ARHGAP32: variants seen among roughly 807,000 people sequenced by gnomAD.
The protein encoded by ARHGAP32 is Rho GTPase activating protein 32, also known as rho GTPase-activating protein 32.
In ARHGAP32, 51 loss-of-function variants were observed where a neutral mutation model predicts 186.5. That is an observed-to-expected ratio of 0.27 (90% confidence interval 0.22 to 0.35). ARHGAP32 has a LOEUF of 0.35. Ranked by LOEUF, ARHGAP32 falls within the 10% of genes least tolerant of loss-of-function variation. ARHGAP32 has a pLI of 1.00. For missense variants in ARHGAP32, 2,186 were observed against 2,623.5 expected (o/e 0.83, Z 3.64); for synonymous variants, 950 against 964.3 (o/e 0.99, Z 0.27).
At position 128,965,463 on chromosome 11, in the gene ARHGAP32, A is replaced by G. The variant is rs527268013; in HGVS notation, c.*3444T>C. Reference sequence around the variant, plus strand: ...CTCTCATGCAGGTCATGGTTGAAAAATCAGGTTTTGCTATCTCAGAATCTA... The same window carrying G: ...CTCTCATGCAGGTCATGGTTGAAAAGTCAGGTTTTGCTATCTCAGAATCTA... On this transcript the variant is annotated 3_prime_UTR_variant, in exon 23 of 23. Coordinates refer to ENST00000682385, the MANE Select transcript of ARHGAP32 (RefSeq NM_001378024.1). 8.5e-5 allele frequency: 13 copies of G among 152,312 alleles called. No individual in the cohort carries two copies. In the East Asian group the frequency reaches 2.3e-3, roughly 27 times the overall value. 9.4% of individuals were successfully genotyped at this position (152,312 alleles called of 1,614,324 possible).
chr11:129,029,149 A>C (rs983898314), intron 11 of ARHGAP32, among the ~76,000 whole-genome samples: 1 of 152,196 alleles, frequency 6.6e-6, no homozygotes, highest in African/African-American at 2.4e-5. Flanking sequence ...TTTAACCTCA[A>C]TTCAGCCCAT....
chr11:129,279,304 G>A (rs1377312863), exon 1 of ARHGAP32: 1 of 144,794 alleles, frequency 6.9e-6, no homozygotes, highest in Non-Finnish European at 1.5e-5. Context: ...GCCGAGGGCA[G>A]CCGCGGGGGC....
At chr11:129,179,944 T>C (rs1195660882) in intron 1 of ARHGAP32, among the ~76,000 whole-genome samples, 3 of 151,626 alleles carry the variant, frequency 2.0e-5, no homozygotes, top group East Asian at 1.9e-4. Context: ...TAAAGTATAA[T>C]AATAAAAAAA....
In ARHGAP32 at chr11:129,043,373, CT is replaced by C. The variant is rs1162755786; in HGVS notation, c.964-2365del. Among the ~76,000 whole-genome samples, 340 of 83,704 alleles carry C rather than the reference CT, an allele frequency of 4.1e-3. 5 individuals are homozygous for C. Among genetic ancestry groups the C allele is most frequent in the African/African-American group, 0.013 (316 of 23,592 alleles). 54.9% of individuals were successfully genotyped at this position (83,704 alleles called of 152,430 possible). On this transcript the variant is annotated intron_variant, in intron 10 of 22. Transcript: ENST00000682385. Reference sequence around the variant, plus strand: ...ACATTTTCTCTTTCTATGCAAATTTCTTTTTTTCTTTTTTTTTTTTTTTTTT... The same window carrying C: ...ACATTTTCTCTTTCTATGCAAATTTCTTTTTTCTTTTTTTTTTTTTTTTTT...
intron 1 of ARHGAP32, among the ~76,000 whole-genome samples, chr11:129,201,449 C>T (rs1366199768): frequency 2.6e-5 from 4 of 152,018 alleles, no homozygotes; most frequent in Non-Finnish European, 4.4e-5. Flanking sequence ...TAACGGTATA[C>T]CTAACTAGAT....
At chr11:128,986,481 A>C (rs1247690607) in intron 14 of ARHGAP32, 43 bp downstream of exon 14, 3 of 1,604,682 alleles carry the variant, frequency 1.9e-6, no homozygotes, top group South Asian at 1.1e-5. Context: ...AAAGCACAGC[A>C]AAGTTCCACA....
At chr11:129,068,673 T>C (rs1325547300) in intron 6 of ARHGAP32, among the ~76,000 whole-genome samples, 2 of 152,064 alleles carry the variant, frequency 1.3e-5, no homozygotes, top group East Asian at 3.8e-4. Flanking sequence ...TTTTCATTTG[T>C]TATTAAGATT....
chr11:129,028,821 A>ATAAGCAGG (rs763185320), intron 11 of ARHGAP32, among the ~76,000 whole-genome samples: 2 of 152,194 alleles, frequency 1.3e-5, no homozygotes, highest in African/African-American at 2.4e-5. Flanking sequence ...GTCTTGAAAT[A>ATAAGCAGG]TAAGCAGGAT....
intron 11 of ARHGAP32, among the ~76,000 whole-genome samples, chr11:129,016,719 T>C (rs1228227682): frequency 6.6e-6 from 1 of 152,222 alleles, no homozygotes. Context: ...ACATAAATTT[T>C]AGAATCAGCT....
intron 1 of ARHGAP32, among the ~76,000 whole-genome samples, chr11:129,274,691 T>C (rs992961774): frequency 6.6e-6 from 1 of 152,040 alleles, no homozygotes; most frequent in Non-Finnish European, 1.5e-5. Context: ...ATAATTTAAA[T>C]CAAATACTTC....
chr11:129,051,377 A>G lies in ARHGAP32; in HGVS notation c.964-10368T>C, dbSNP rs530870550. 6.6e-5 allele frequency among the ~76,000 whole-genome samples: 10 copies of G among 152,228 alleles called. No individual in the cohort carries two copies. In the South Asian group the frequency reaches 1.2e-3, roughly 19 times the overall value. ...GTATCTCACTGTGGTTTTGATTTGC[A>G]TTTCTCTAATGACCAGTGATGATGA... On this transcript the variant is annotated intron_variant, in intron 10 of 22. Coordinates refer to ENST00000682385, the MANE Select transcript of ARHGAP32 (RefSeq NM_001378024.1).
At chr11:129,045,644 T>C (rs193041847) in intron 10 of ARHGAP32, among the ~76,000 whole-genome samples, 2 of 152,348 alleles carry the variant, frequency 1.3e-5, no homozygotes, top group African/African-American at 2.4e-5. Context: ...AAATGTCAAA[T>C]GGTAAAAAGT....
chr11:129,031,344 C>A lies in ARHGAP32; in HGVS notation c.1045+9584G>T, dbSNP rs188968460. Among the ~76,000 whole-genome samples the A allele has an allele frequency of 2.4e-4, 37 of 152,286 alleles. 1 individual carries two copies. The East Asian group carries it at 7.1e-3, about 29-fold the overall frequency. On this transcript the variant is annotated intron_variant, in intron 11 of 22. Transcript: ENST00000682385. ...AATCTTTGAAATAATAATCTTGCCT[C>A]ACTTTTCAGTTATGGAAATTGAAAA...
rs753540907 is a variant in ARHGAP32, at chr11:128,978,840, T to C, written c.2052A>G (p.Ser684=). The C allele has an allele frequency of 6.2e-6, 10 of 1,612,986 alleles. No homozygotes were observed. The Admixed American group carries it at 1.3e-4, about 22-fold the overall frequency. The change falls in exon 19 of 23, where the codon TCA becomes TCG. Residue 684 remains serine, a synonymous_variant. Coordinates refer to ENST00000682385, the MANE Select transcript of ARHGAP32 (RefSeq NM_001378024.1). The part of the protein sequence containing the change: ...WRSFFNLGKS[S]SVSKRKLQRN... ...GCTGCAGCTTTCGTTTAGAAACAGA[T>C]GATGATTTCCCCAAGTTGAAAAAGG... is the stretch of plus-strand genomic sequence containing the variant.
chr11:129,102,316 A>G (rs1207166114), intron 5 of ARHGAP32, among the ~76,000 whole-genome samples: 1 of 152,190 alleles, frequency 6.6e-6, no homozygotes, highest in Non-Finnish European at 1.5e-5. Flanking sequence ...TAACCAGCTA[A>G]CATCATGATG....
At chr11:129,247,180 T>C (rs1215526717) in intron 1 of ARHGAP32, among the ~76,000 whole-genome samples, 2 of 152,006 alleles carry the variant, frequency 1.3e-5, no homozygotes, top group Non-Finnish European at 2.9e-5. Context: ...TTCTCAGGAG[T>C]AGAAAATTAT....
intron 5 of ARHGAP32, among the ~76,000 whole-genome samples, chr11:129,122,595 T>C (rs149215487): frequency 8.3e-4 from 127 of 152,276 alleles, no homozygotes; most frequent in African/African-American, 2.9e-3. Flanking sequence ...TATTTTAAAC[T>C]GTCAATTTAT....
At chr11:129,163,489 C>G (rs1366294871) in intron 2 of ARHGAP32, among the ~76,000 whole-genome samples, 1 of 152,168 alleles carries the variant, frequency 6.6e-6, no homozygotes, top group East Asian at 1.9e-4. Context: ...TTCCATTCTT[C>G]AGGTTGACGA....
At chr11:129,228,675 G>C (rs558515687) in intron 1 of ARHGAP32, among the ~76,000 whole-genome samples, 4 of 152,202 alleles carry the variant, frequency 2.6e-5, no homozygotes, top group Admixed American at 2.6e-4. Flanking sequence ...CATGGACACA[G>C]GGAGAGAAAC....
Sources: allele counts gnomAD v4.1 joint callset (sites outside exome capture counted in the v4.1 genomes callset), GRCh38; gene constraint gnomAD v4.1.1; transcripts MANE v1.5; gene names NCBI Gene and HGNC (gene_info 2026-07-23, HGNC 2026-07-21).